The following TEX9 variants were observed in gnomAD, a reference collection of about 807,000 sequenced individuals.
TEX9 encodes testis expressed 9.
TEX9 carries 74 observed loss-of-function variants against 59.6 expected under a neutral mutation model. The observed-to-expected ratio is 1.24, with a 90% CI of 1.03 to 1.51. TEX9 has a LOEUF of 1.51. Among genes scored for constraint, TEX9 ranks in the 40% most tolerant of loss-of-function variants. TEX9 has a pLI of 0.00. For missense variants in TEX9, 522 were observed against 447.8 expected (o/e 1.17, Z -1.49); for synonymous variants, 186 against 152.2 (o/e 1.22, Z -1.64).
intron 12 of TEX9, among the ~76,000 whole-genome samples, chr15:56,440,216 A>C (rs1428511008): frequency 1.3e-5 from 2 of 152,196 alleles, no homozygotes; most frequent in African/African-American, 4.8e-5. Context: ...TAAAACTACA[A>C]GGTATCACTA....
At chr15:56,455,264 A>G in the TEX9 span, among the ~76,000 whole-genome samples, 1 of 133,952 alleles carries the variant, frequency 7.5e-6, no homozygotes. Flanking sequence ...AAAAAAAAAA[A>G]AAAAAAACCA....
At chr15:56,250,570 T>C (rs1340633859) in intron 1 of TEX9, among the ~76,000 whole-genome samples, 4 of 152,220 alleles carry the variant, frequency 2.6e-5, no homozygotes, top group Non-Finnish European at 4.4e-5. Flanking sequence ...GCTTCCATAC[T>C]GTGTACAAAG....
At chr15:56,317,013 G>A (rs575344800) in intron 1 of TEX9, among the ~76,000 whole-genome samples, 4 of 152,292 alleles carry the variant, frequency 2.6e-5, no homozygotes, top group South Asian at 2.1e-4. Context: ...TTCTGCTCGC[G>A]CAGGGTGCGC....
At chr15:56,388,205 T>C (rs372741995) in intron 4 of TEX9, among the ~76,000 whole-genome samples, 7 of 152,088 alleles carry the variant, frequency 4.6e-5, no homozygotes, top group African/African-American at 1.4e-4. Flanking sequence ...TTACTCTTTA[T>C]GATTTCCATT....
At chr15:56,398,891 T>C (rs2048620447) in intron 9 of TEX9, among the ~76,000 whole-genome samples, 2 of 152,156 alleles carry the variant, frequency 1.3e-5, no homozygotes, top group Admixed American at 6.5e-5. Flanking sequence ...CCCAGCACTT[T>C]GGGAGGCCAA....
intron 1 of TEX9, among the ~76,000 whole-genome samples, chr15:56,315,037 T>C (rs1443873389): frequency 6.6e-6 from 1 of 151,288 alleles, no homozygotes; most frequent in Non-Finnish European, 1.5e-5. Flanking sequence ...TTTGAGCCTA[T>C]GTGTGTCTCT....
chr15:56,456,377 T>C, the TEX9 span: 1 of 1,591,520 alleles, frequency 6.3e-7, no homozygotes, highest in Non-Finnish European at 8.5e-7. Context: ...AAATGAAATT[T>C]AGAGAAACCA....
intron 1 of TEX9, among the ~76,000 whole-genome samples, chr15:56,244,758 A>G (rs2043803120): frequency 6.6e-6 from 1 of 152,070 alleles, no homozygotes. Context: ...GGCGTCAGCC[A>G]CGAGCTCCTT....
intron 1 of TEX9, among the ~76,000 whole-genome samples, chr15:56,316,525 G>T (rs1175202418): frequency 2.7e-5 from 4 of 150,784 alleles, no homozygotes; most frequent in African/African-American, 9.7e-5. Flanking sequence ...CTCCAGCTGC[G>T]TGCTGGGAGA....
chr15:56,414,364 A>G (rs1328372640), intron 10 of TEX9, among the ~76,000 whole-genome samples: 7 of 151,644 alleles, frequency 4.6e-5, no homozygotes, highest in African/African-American at 1.7e-4. Flanking sequence ...AGTACTCAAT[A>G]GTTATCTCTT....
At chr15:56,338,472 A>G (rs1303795334) in intron 1 of TEX9, among the ~76,000 whole-genome samples, 3 of 152,188 alleles carry the variant, frequency 2.0e-5, no homozygotes, top group Non-Finnish European at 4.4e-5. Context: ...GCCACAACTT[A>G]TTTGTACAAC....
chr15:56,411,929 C>T (rs8042078), intron 9 of TEX9, among the ~76,000 whole-genome samples: 3,676 of 152,184 alleles, frequency 0.024, 156 homozygotes, highest in African/African-American at 0.085. Flanking sequence ...TGGAGAGTTT[C>T]TCTTAACATT....
At chr15:56,436,761 A>T (rs1248168367) in intron 12 of TEX9, among the ~76,000 whole-genome samples, 1 of 152,206 alleles carries the variant, frequency 6.6e-6, no homozygotes, top group Non-Finnish European at 1.5e-5. Flanking sequence ...GCAATAAAAA[A>T]TGATAAAGGG....
At chr15:56,445,514 T>C (rs2050891884) in intron 12 of TEX9, among the ~76,000 whole-genome samples, 1 of 152,168 alleles carries the variant, frequency 6.6e-6, no homozygotes, top group African/African-American at 2.4e-5. Context: ...CACTGAAGCC[T>C]TTAACATATA....
At chr15:56,369,968 C>G (rs187003834) in intron 2 of TEX9, among the ~76,000 whole-genome samples, 1 of 116,598 alleles carries the variant, frequency 8.6e-6, no homozygotes, top group African/African-American at 3.0e-5. Flanking sequence ...CATTATTATG[C>G]AGTGTCTATC....
intron 1 of TEX9, among the ~76,000 whole-genome samples, chr15:56,319,306 A>T (rs530143209): frequency 1.5e-3 from 233 of 151,332 alleles, no homozygotes; most frequent in African/African-American, 5.5e-3. Flanking sequence ...ATATCAAAGG[A>T]GGGGTTTTTA....
At chr15:56,350,318 C>G (rs529588194) in intron 1 of TEX9, among the ~76,000 whole-genome samples, 1 of 152,298 alleles carries the variant, frequency 6.6e-6, no homozygotes, top group African/African-American at 2.4e-5. Context: ...TTCAAGGGCA[C>G]ATGTCCCACA....
At chr15:56,426,488 T>C (rs1221464021) in intron 10 of TEX9, among the ~76,000 whole-genome samples, 2 of 150,578 alleles carry the variant, frequency 1.3e-5, no homozygotes, top group South Asian at 2.1e-4. Flanking sequence ...AGTCAGTCTT[T>C]TAATGGGGAA....
chr15:56,387,871 C>G (rs2048031702), intron 4 of TEX9, among the ~76,000 whole-genome samples: 1 of 151,964 alleles, frequency 6.6e-6, no homozygotes, highest in South Asian at 2.1e-4. Context: ...CCTCCATAAA[C>G]ACTCCTTGTT....
Sources: allele counts gnomAD v4.1 joint callset (sites outside exome capture counted in the v4.1 genomes callset), GRCh38; gene constraint gnomAD v4.1.1; transcripts MANE v1.5; gene names NCBI Gene and HGNC (gene_info 2026-07-23, HGNC 2026-07-21).